The following TMEM132B variants were observed in gnomAD, a reference collection of about 807,000 sequenced individuals.
TMEM132B encodes the protein transmembrane protein 132B.
TMEM132B carries 18 observed loss-of-function variants against 90.8 expected under a neutral mutation model. The observed-to-expected ratio is 0.20, with a 90% CI of 0.14 to 0.29. The LOEUF (loss-of-function observed/expected upper bound fraction) is 0.29, where lower values mean the gene tolerates loss of function less well. Ranked by LOEUF, TMEM132B falls within the 10% of genes least tolerant of loss-of-function variation. TMEM132B has a pLI of 1.00. For missense variants in TMEM132B, 1,096 were observed against 1,326.8 expected (o/e 0.83, Z 2.70); for synonymous variants, 504 against 523.3 (o/e 0.96, Z 0.50).
intron 2 of TMEM132B, among the ~76,000 whole-genome samples, chr12:125,374,867 G>A (rs1402953139): frequency 2.6e-5 from 4 of 152,014 alleles, no homozygotes; most frequent in African/African-American, 7.3e-5. Context: ...AATTTTGGTG[G>A]CTTCATGTTG....
intron 1 of TMEM132B, among the ~76,000 whole-genome samples, chr12:125,291,538 C>G (rs1196669785): frequency 6.6e-6 from 1 of 152,100 alleles, no homozygotes; most frequent in Non-Finnish European, 1.5e-5. Context: ...TGAGAGCAGC[C>G]CCTGGCTGAC....
intron 3 of TMEM132B, among the ~76,000 whole-genome samples, chr12:125,494,267 G>A (rs1251312817): frequency 1.9e-4 from 19 of 102,018 alleles, no homozygotes; most frequent in Admixed American, 3.4e-4. Flanking sequence ...CTCCTCCCTG[G>A]AAATGGCTGC....
chr12:125,602,701 A>G (rs965568625), intron 5 of TMEM132B, among the ~76,000 whole-genome samples: 1 of 152,216 alleles, frequency 6.6e-6, no homozygotes, highest in South Asian at 2.1e-4. Flanking sequence ...ACATGATTCT[A>G]TATTTTTAGA....
At chr12:125,420,454 G>C (rs566187519) in intron 3 of TMEM132B, among the ~76,000 whole-genome samples, 1 of 152,172 alleles carries the variant, frequency 6.6e-6, no homozygotes, top group South Asian at 2.1e-4. Flanking sequence ...CTTTGGCCCC[G>C]TTTAGTCATG....
chr12:125,232,661 A>T (rs942750882), intron 1 of TMEM132B, among the ~76,000 whole-genome samples: 1 of 152,208 alleles, frequency 6.6e-6, no homozygotes, highest in African/African-American at 2.4e-5. Flanking sequence ...TAAATGTACA[A>T]AGTCACATTG....
intron 3 of TMEM132B, among the ~76,000 whole-genome samples, chr12:125,501,546 C>T (rs2136599453): frequency 6.6e-6 from 1 of 152,172 alleles, no homozygotes; most frequent in African/African-American, 2.4e-5. Flanking sequence ...CCACCCCCGA[C>T]AGGCCCCAGT....
At chr12:125,513,800 A>G (rs1400620451) in intron 3 of TMEM132B, among the ~76,000 whole-genome samples, 1 of 152,078 alleles carries the variant, frequency 6.6e-6, no homozygotes, top group East Asian at 1.9e-4. Flanking sequence ...TTTAAATTGT[A>G]TTTTTTTAAT....
At chr12:125,330,449 T>A (rs1876733161) in intron 1 of TMEM132B, among the ~76,000 whole-genome samples, 1 of 150,938 alleles carries the variant, frequency 6.6e-6, no homozygotes. Flanking sequence ...GTACTTCCTA[T>A]GGAAACAATA....
chr12:125,366,018 C>T (rs1313566010), intron 2 of TMEM132B, among the ~76,000 whole-genome samples: 2 of 151,954 alleles, frequency 1.3e-5, no homozygotes, highest in Non-Finnish European at 2.9e-5. Flanking sequence ...CTCTCCTTCC[C>T]ACTTCCCTTC....
chr12:125,593,202 T>C (rs1885361051), intron 5 of TMEM132B, among the ~76,000 whole-genome samples: 1 of 152,214 alleles, frequency 6.6e-6, no homozygotes, highest in Non-Finnish European at 1.5e-5. Flanking sequence ...TGGACTTTTA[T>C]TGTTCTGTTC....
rs61943065 is a variant in TMEM132B at position 125,249,864 on chromosome 12, C to T, written c.67+62998C>T. Among the ~76,000 whole-genome samples, 1,155 of 152,342 alleles carry T rather than the reference C, an allele frequency of 7.6e-3. 15 individuals are homozygous for T. The highest frequency in any genetic ancestry group is 0.013 in the Non-Finnish European group (909 of 68,034). ...GAAACAGGTTCAGAGAGTCCCCCAT[C>T]GGGCCACACAGCTCATAAGAAACTC... On this transcript the variant is annotated intron_variant, in intron 1 of 8. Coordinates refer to ENST00000682704, the MANE Select transcript of TMEM132B (RefSeq NM_001366854.1).
intron 1 of TMEM132B, among the ~76,000 whole-genome samples, chr12:125,330,013 C>T (rs1323236565): frequency 6.6e-6 from 1 of 152,230 alleles, no homozygotes; most frequent in East Asian, 1.9e-4. Flanking sequence ...TGCTGGCAGC[C>T]TGTGGCCATT....
chr12:125,428,056 G>A (rs2136392274), intron 3 of TMEM132B, among the ~76,000 whole-genome samples: 1 of 152,074 alleles, frequency 6.6e-6, no homozygotes, highest in Admixed American at 6.5e-5. Flanking sequence ...GGAATGCAGT[G>A]GCATGACCAT....
intron 1 of TMEM132B, among the ~76,000 whole-genome samples, chr12:125,319,286 G>A (rs1876365473): frequency 6.6e-6 from 1 of 152,210 alleles, no homozygotes; most frequent in Non-Finnish European, 1.5e-5. Context: ...AGATGCTGTT[G>A]ATGATGATAG....
In TMEM132B at chr12:125,325,153, C is replaced by T. The variant is rs75116072; in HGVS notation, c.68-24299C>T. On this transcript the variant is annotated intron_variant, in intron 1 of 8. Coordinates refer to ENST00000682704, the MANE Select transcript of TMEM132B (RefSeq NM_001366854.1). Reference sequence around the variant, plus strand: ...GTCATGCCAGCGATTTCTCAGGACACATCTGCCAGTTGCTTACATTTTTCA... The same window carrying T: ...GTCATGCCAGCGATTTCTCAGGACATATCTGCCAGTTGCTTACATTTTTCA... Among the ~76,000 whole-genome samples the T allele has an allele frequency of 2.9e-4, 44 of 152,346 alleles. No individual in the cohort carries two copies. In the East Asian group the frequency reaches 8.3e-3, roughly 29 times the overall value.
rs529977138 is a variant in TMEM132B, at chr12:125,280,146, G to C, written c.68-69306G>C. On this transcript the variant is annotated intron_variant, in intron 1 of 8. Transcript: ENST00000682704. ...ACACTTGGGATCCTCCAAAAACGTA[G>C]GACTCTCCGTGGATTGGTAATTGGA... Among the ~76,000 whole-genome samples, 3 of 152,252 alleles carry C rather than the reference G, an allele frequency of 2.0e-5. No individual in the cohort carries two copies. The East Asian group carries it at 5.8e-4, about 29-fold the overall frequency.
intron 1 of TMEM132B, among the ~76,000 whole-genome samples, chr12:125,293,131 T>C (rs1875584852): frequency 6.6e-6 from 1 of 152,146 alleles, no homozygotes; most frequent in Non-Finnish European, 1.5e-5. Flanking sequence ...TGGGGATAAA[T>C]TGATGGCCAG....
At chr12:125,389,420 A>G (rs535729639) in intron 2 of TMEM132B, among the ~76,000 whole-genome samples, 43 of 141,716 alleles carry the variant, frequency 3.0e-4, no homozygotes, top group African/African-American at 1.1e-3. Context: ...TCTTCCATCC[A>G]TCCTTCCATA....
intron 1 of TMEM132B, among the ~76,000 whole-genome samples, chr12:125,217,556 C>T (rs984356754): frequency 6.6e-6 from 1 of 152,212 alleles, no homozygotes; most frequent in Non-Finnish European, 1.5e-5. Flanking sequence ...AGGCGATCCT[C>T]CCGCCTCAGC....
Sources: allele counts gnomAD v4.1 joint callset (sites outside exome capture counted in the v4.1 genomes callset), GRCh38; gene constraint gnomAD v4.1.1; transcripts MANE v1.5; gene names NCBI Gene and HGNC (gene_info 2026-07-23, HGNC 2026-07-21).